The following RNF144A variants were observed in gnomAD, a reference collection of about 807,000 sequenced individuals.
RNF144A encodes ring finger protein 144A.
Under a neutral mutation model 38.7 loss-of-function variants are expected in RNF144A, and 11 were observed. The observed-to-expected ratio is 0.28, with a 90% confidence interval of 0.18 to 0.47. RNF144A has a LOEUF of 0.47. Among genes scored for constraint, RNF144A ranks in the 20% least tolerant of loss-of-function variants. The pLI, the probability that RNF144A is intolerant of heterozygous loss-of-function variation, is 0.99. For missense variants in RNF144A, 316 were observed against 377.2 expected (o/e 0.84, Z 1.34); for synonymous variants, 149 against 143.9 (o/e 1.04, Z -0.25).
At chr2:7,035,025 T>C (rs34060256) in intron 8 of RNF144A, among the ~76,000 whole-genome samples, 19,515 of 152,240 alleles carry the variant, frequency 0.13, 2,002 homozygotes, top group East Asian at 0.55. Context: ...AGACTTCTGC[T>C]GAGCCTCTTG....
chr2:7,068,177 G>C lies in RNF144A; in HGVS notation c.735-39G>C, dbSNP rs368059766. 1.5e-4 allele frequency: 162 copies of C among 1,064,536 alleles called. 3 individuals are homozygous for C. The African/African-American group carries it at 2.4e-3, about 16-fold the overall frequency. 65.9% of individuals were successfully genotyped at this position (1,064,536 alleles called of 1,614,324 possible). On this transcript the variant is annotated intron_variant, in intron 6 of 6. Transcript: ENST00000432850. ...AGTATCATTGAGTAAGCTTTTCTGT[G>C]CTTTAACAAGTATCAGTGAGTAAGG...
rs1322474486 is a variant in RNF144A, at chr2:6,943,928, C to T, written c.-12+2781C>T. ...TCACAGCCCACTCGAAGCTCTGGCT[C>T]CAGACTGAAAGAGCCACTCTGGGTG... On this transcript the variant is annotated intron_variant, in intron 2 of 8. Transcript: ENST00000320892. This position sits in a 1 kb window ranked among gnomAD's most constrained non-coding sequence, Gnocchi z 4.3. Among the ~76,000 whole-genome samples, 1 of 152,132 alleles carries T rather than the reference C, an allele frequency of 6.6e-6. No individual in the cohort carries two copies. The highest frequency in any genetic ancestry group is 6.5e-5 in the Admixed American group (1 of 15,278).
chr2:6,983,548 A>T (rs1668769294), intron 2 of RNF144A, among the ~76,000 whole-genome samples: 1 of 152,132 alleles, frequency 6.6e-6, no homozygotes, highest in African/African-American at 2.4e-5. Flanking sequence ...ACTTATTCTT[A>T]TGCAGATCTT....
chr2:7,021,403 G>A (rs1008292116), intron 6 of RNF144A, among the ~76,000 whole-genome samples: 5 of 152,038 alleles, frequency 3.3e-5, no homozygotes, highest in Non-Finnish European at 5.9e-5. Flanking sequence ...CCATTCCACC[G>A]TCCCCAGCTC....
intron 2 of RNF144A, among the ~76,000 whole-genome samples, chr2:6,945,416 T>G (rs1666269465): frequency 6.6e-6 from 1 of 152,214 alleles, no homozygotes. Context: ...TTTTCAGACT[T>G]TGGGCCATTT....
intron 5 of RNF144A, among the ~76,000 whole-genome samples, chr2:7,019,354 T>C (rs309309): frequency 0.83 from 125,891 of 152,258 alleles, 52,242 homozygotes; most frequent in South Asian, 0.92. Context: ...CCGGTCCACG[T>C]GCGGCGCCAG....
downstream of RNF144A, among the ~76,000 whole-genome samples, chr2:7,045,233 G>A (rs1334527186): frequency 2.0e-5 from 3 of 152,232 alleles, no homozygotes; most frequent in Non-Finnish European, 4.4e-5. Flanking sequence ...ACAGTGTGCC[G>A]AACTCAGGAA....
chr2:7,000,161 T>C (rs1670010674), intron 3 of RNF144A, among the ~76,000 whole-genome samples: 1 of 152,248 alleles, frequency 6.6e-6, no homozygotes, highest in Non-Finnish European at 1.5e-5. Flanking sequence ...GTGCACATGT[T>C]CCAGGTGCTG....
rs111855045 is a variant in RNF144A at position 7,014,873 on chromosome 2, A to G, written c.301+101A>G. On this transcript the variant is annotated intron_variant, in intron 5 of 8. Coordinates refer to ENST00000320892, the MANE Select transcript of RNF144A (RefSeq NM_014746.6). Reference sequence around the variant, plus strand: ...GGTAGATATGGTTATACAGCATTTGATAGGAGTTAAAAAGTTGATGTAAAA... The same window carrying G: ...GGTAGATATGGTTATACAGCATTTGGTAGGAGTTAAAAAGTTGATGTAAAA... The G allele has an allele frequency of 4.4e-5, 36 of 817,370 alleles. 1 individual carries two copies. Among genetic ancestry groups the G allele is most frequent in the African/African-American group, 3.1e-4 (18 of 58,266 alleles). 50.6% of individuals were successfully genotyped at this position (817,370 alleles called of 1,614,324 possible).
At chr2:6,979,578 G>T (rs143380731) in intron 2 of RNF144A, among the ~76,000 whole-genome samples, 13 of 152,120 alleles carry the variant, frequency 8.5e-5, no homozygotes, top group Non-Finnish European at 1.6e-4. Flanking sequence ...ATTTCGAAAG[G>T]TGAAACAATC....
At chr2:7,024,661 G>A in intron 7 of RNF144A, 145 bp downstream of exon 7, 2 of 943,814 alleles carry the variant, frequency 2.1e-6, no homozygotes, top group Non-Finnish European at 1.6e-6. Flanking sequence ...GTTTCTCCTG[G>A]GTTTGTGAAA....
chr2:7,071,254 CAGA>C (rs1321483467), downstream of RNF144A, among the ~76,000 whole-genome samples: 5 of 152,202 alleles, frequency 3.3e-5, no homozygotes, highest in Admixed American at 1.3e-4. Flanking sequence ...GACTTTTTTA[CAGA>C]AGCCCTGGGA....
chr2:7,074,316 C>T, the RNF144A span, among the ~76,000 whole-genome samples: 1 of 152,298 alleles, frequency 6.6e-6, no homozygotes, highest in Middle Eastern at 3.4e-3. Context: ...ACCCACCTTC[C>T]AGCCTATTGA....
At chr2:6,938,575 T>C (rs1227612244) in intron 1 of RNF144A, among the ~76,000 whole-genome samples, 1 of 152,154 alleles carries the variant, frequency 6.6e-6, no homozygotes, top group African/African-American at 2.4e-5. Flanking sequence ...AGTAGTTTTA[T>C]TAAAATGGAA....
rs753914440 is a variant in RNF144A, at chr2:7,039,742, C to T, written c.861C>T (p.Asp287=). ...AGTGCAAGTGCAGTAAAGGTGACGACGACCCGTTACCCACCTAGAGGAAGC... is the reference window on the plus strand; with the variant it reads ...AGTGCAAGTGCAGTAAAGGTGACGATGACCCGTTACCCACCTAGAGGAAGC... ...CCKCKCSKGD[D]DPLPT The change falls in exon 9 of 9, where the codon GAC becomes GAT. Residue 287 remains aspartate (D), a synonymous_variant. Transcript: ENST00000320892. 2.0e-5 allele frequency: 33 copies of T among 1,613,484 alleles called. No individual in the cohort carries two copies. Among genetic ancestry groups the T allele is most frequent in the African/African-American group, 4.0e-5 (3 of 74,904 alleles).
At chr2:7,035,009 A>T (rs1344104112) in intron 8 of RNF144A, among the ~76,000 whole-genome samples, 2 of 152,196 alleles carry the variant, frequency 1.3e-5, no homozygotes, top group African/African-American at 4.8e-5. Context: ...ACGGGGCATA[A>T]CCTGAAGACT....
At chr2:6,954,682 T>A (rs1666889949) in intron 2 of RNF144A, among the ~76,000 whole-genome samples, 2 of 152,216 alleles carry the variant, frequency 1.3e-5, no homozygotes, top group Non-Finnish European at 2.9e-5. Context: ...TCATGACACT[T>A]ATGTAGATTT....
chr2:6,979,007 C>G (rs964172781), intron 2 of RNF144A, among the ~76,000 whole-genome samples: 3 of 152,236 alleles, frequency 2.0e-5, no homozygotes, highest in African/African-American at 7.2e-5. Flanking sequence ...ATGAGCTCAT[C>G]TGCACTTGGT....
intron 1 of RNF144A, among the ~76,000 whole-genome samples, chr2:6,934,979 G>A (rs922493346): frequency 6.6e-6 from 1 of 152,166 alleles, no homozygotes; most frequent in Non-Finnish European, 1.5e-5. Flanking sequence ...AAACCACATG[G>A]TCAAGGTGGA....
Sources: gnomAD v4.1 joint callset for allele counts (sites outside exome capture counted in the v4.1 genomes callset) on GRCh38, gnomAD v4.1.1 for gene constraint, Gnocchi (gnomAD v3.1) non-coding constraint, MANE v1.5 for transcripts, NCBI Gene and HGNC (gene_info 2026-07-23, HGNC 2026-07-21) for gene names.